The following CACNA2D2 variants were observed in gnomAD, a reference collection of about 807,000 sequenced individuals.
The protein encoded by CACNA2D2 is voltage-dependent calcium channel subunit alpha-2/delta-2.
Under a neutral mutation model 166.4 loss-of-function variants are expected in CACNA2D2, and 48 were observed. That is an observed-to-expected ratio of 0.29 (90% CI 0.23 to 0.37). CACNA2D2 has a LOEUF of 0.37. Ranked by LOEUF, CACNA2D2 falls within the 10% of genes least tolerant of loss-of-function variation. CACNA2D2 has a pLI of 1.00. For missense variants in CACNA2D2, 1,122 were observed against 1,433.0 expected (o/e 0.78, Z 3.50); for synonymous variants, 561 against 573.7 (o/e 0.98, Z 0.32).
intron 1 of CACNA2D2, among the ~76,000 whole-genome samples, chr3:50,499,906 C>A (rs1698886626): frequency 6.6e-6 from 1 of 152,172 alleles, no homozygotes; most frequent in Non-Finnish European, 1.5e-5. Context: ...AAGTCCTCCA[C>A]ACCAGGAGGG....
rs1559917257 is a variant in CACNA2D2, at chr3:50,405,978, G to GGGCTTCAGGAGGA, written c.406-11811_406-11810insTCCTCCTGAAGCC. 8.6e-5 allele frequency among the ~76,000 whole-genome samples: 13 copies of GGGCTTCAGGAGGA among 151,898 alleles called. 1 individual carries two copies. The East Asian group carries it at 2.5e-3, about 29-fold the overall frequency. ...CTGACCCTGTTCCTGGCGATCATGA[G>GGGCTTCAGGAGGA]AACTCTCCAATCTCTACCCCCTATC... On this transcript the variant is annotated intron_variant, in intron 3 of 37. Coordinates refer to ENST00000424201, the MANE Select transcript of CACNA2D2 (RefSeq NM_006030.4).
rs780459078 is a variant in CACNA2D2, at chr3:50,365,231, A to T, written c.3099-47T>A. On this transcript the variant is annotated intron_variant, in intron 35 of 37. Transcript: ENST00000424201. The surrounding 1 kb of genome is among the most constrained non-coding windows in gnomAD (Gnocchi z 4.5). ...GGGGCGTTGAGTTTGCCCCGCCCTG[A>T]CCCACCCCCATCCTGCGGCCCCGCC... The T allele has an allele frequency of 6.6e-6, 4 of 609,312 alleles. No homozygotes were observed. Among genetic ancestry groups the T allele is most frequent in the Non-Finnish European group, 1.1e-5 (4 of 380,616 alleles). 37.7% of individuals were successfully genotyped at this position (609,312 alleles called of 1,614,324 possible).
Position 50,363,166 on chromosome 3 carries a change from A to G in CACNA2D2, c.*1500T>C. 1 of 398,858 alleles carries G rather than the reference A, an allele frequency of 2.5e-6. No homozygotes were observed. The highest frequency in any genetic ancestry group is 4.4e-6 in the Non-Finnish European group (1 of 226,050). 24.7% of individuals were successfully genotyped at this position (398,858 alleles called of 1,614,324 possible). On this transcript the variant is annotated 3_prime_UTR_variant, in exon 38 of 38. Coordinates refer to ENST00000424201, the MANE Select transcript of CACNA2D2 (RefSeq NM_006030.4). ...TATTCTCCATTGAGCACCTGACTAC[A>G]CTACAGTTACACGCACGCCCCCGAA...
intron 2 of CACNA2D2, among the ~76,000 whole-genome samples, chr3:50,435,312 CGT>C (rs369597235): frequency 2.8e-4 from 43 of 151,154 alleles, no homozygotes; most frequent in African/African-American, 9.7e-4. Context: ...TGTGCGTGTG[CGT>C]GTGTGTGTGC....
At chr3:50,388,863 G>A (rs1705740488) in intron 4 of CACNA2D2, among the ~76,000 whole-genome samples, 1 of 152,186 alleles carries the variant, frequency 6.6e-6, no homozygotes, top group African/African-American at 2.4e-5. Context: ...TGCAGGCTTA[G>A]TCCCAGCATT....
At chr3:50,408,988 A>T (rs1706857745) in intron 3 of CACNA2D2, among the ~76,000 whole-genome samples, 2 of 152,214 alleles carry the variant, frequency 1.3e-5, no homozygotes, top group Non-Finnish European at 2.9e-5. Context: ...CTCCCAGGAA[A>T]GGGACCCCTG....
chr3:50,483,936 T>C (rs1260704011), intron 1 of CACNA2D2, among the ~76,000 whole-genome samples: 1 of 152,198 alleles, frequency 6.6e-6, no homozygotes, highest in Non-Finnish European at 1.5e-5. Flanking sequence ...TTGAGAGATG[T>C]GCTCCAGGTC....
In CACNA2D2 at chr3:50,381,051, G is replaced by C; in HGVS notation, c.728C>G (p.Pro243Arg). The change falls in exon 7 of 38, where the codon CCC (proline) becomes CGC (arginine). Residue 243 changes from proline to arginine, a missense_variant. Physicochemically the swap from Pro to Arg is moderately radical, Grantham distance 103. Around this residue, in one of 2 missense-constraint regions of CACNA2D2, gnomAD observed 840 missense variants for 1,166.8 expected, o/e 0.72. Transcript: ENST00000424201. The part of the protein sequence containing the change: ...NVFMENRRQD[P>R]TLLWQVFGSA... ...GCCGAAGACCTGCCACAGCAGTGTG[G>C]GGTCTTGTCTGCGGTTTTCCATGAA... The C allele has an allele frequency of 2.5e-6, 4 of 1,613,892 alleles. No individual in the cohort carries two copies. Among genetic ancestry groups the C allele is most frequent in the Admixed American group, 1.7e-5 (1 of 60,000 alleles).
chr3:50,388,243 C>T (rs77801231), intron 4 of CACNA2D2, among the ~76,000 whole-genome samples: 1,554 of 152,278 alleles, frequency 0.01, 13 homozygotes, highest in Non-Finnish European at 0.016. Context: ...AATCACCGGC[C>T]GCCCCGGGGA....
intron 3 of CACNA2D2, among the ~76,000 whole-genome samples, chr3:50,428,416 C>A (rs1707901574): frequency 6.6e-6 from 1 of 152,210 alleles, no homozygotes; most frequent in Non-Finnish European, 1.5e-5. Context: ...CCCTGGCTCA[C>A]ACCTCCTGCC....
intron 3 of CACNA2D2, among the ~76,000 whole-genome samples, chr3:50,432,278 C>A (rs1708107684): frequency 6.6e-6 from 1 of 152,228 alleles, no homozygotes; most frequent in South Asian, 2.1e-4. Flanking sequence ...GGGCCCTGGG[C>A]TCCACGCATG....
rs587726925 is a variant in CACNA2D2, at chr3:50,366,657, C to T, written c.2590-32G>A. On this transcript the variant is annotated intron_variant, in intron 29 of 37. Transcript: ENST00000424201. This position sits in a 1 kb window ranked among gnomAD's most constrained non-coding sequence, Gnocchi z 5.9. Reference sequence around the variant, plus strand: ...GGCAGAGAGTGAGGACCGTAAGCCACCCACCAGTTTTCCTCCCTCCCATCA... The same window carrying T: ...GGCAGAGAGTGAGGACCGTAAGCCATCCACCAGTTTTCCTCCCTCCCATCA... The T allele has an allele frequency of 8.7e-6, 14 of 1,613,296 alleles. No homozygotes were observed. The highest frequency in any genetic ancestry group is 1.1e-5 in the Non-Finnish European group (13 of 1,179,600).
At chr3:50,446,715 A>G (rs1248830258) in intron 2 of CACNA2D2, among the ~76,000 whole-genome samples, 2 of 152,230 alleles carry the variant, frequency 1.3e-5, no homozygotes, top group Admixed American at 6.5e-5. Context: ...CAGTCCCTTC[A>G]GGATAACAAG....
intron 23 of CACNA2D2, among the ~76,000 whole-genome samples, chr3:50,369,576 A>G (rs1228915233): frequency 3.3e-5 from 5 of 152,222 alleles, no homozygotes; most frequent in Non-Finnish European, 7.3e-5. Flanking sequence ...GCTGCCTTCC[A>G]GTGCCCCTGG....
At chr3:50,429,592 C>CAAAAAAAAAA (rs1160685582) in intron 3 of CACNA2D2, among the ~76,000 whole-genome samples, 3 of 52,646 alleles carry the variant, frequency 5.7e-5, no homozygotes, top group East Asian at 8.9e-4. Context: ...ACTAAAAATA[C>CAAAAAAAAAA]AAAAAAAAAA....
intron 1 of CACNA2D2, among the ~76,000 whole-genome samples, chr3:50,486,691 C>T (rs935328048): frequency 6.6e-6 from 1 of 152,228 alleles, no homozygotes; most frequent in Non-Finnish European, 1.5e-5. Context: ...TTCCCCTACC[C>T]TCTTCTCAAA....
intron 2 of CACNA2D2, among the ~76,000 whole-genome samples, chr3:50,449,863 A>G (rs1025550396): frequency 6.6e-6 from 1 of 152,172 alleles, no homozygotes; most frequent in African/African-American, 2.4e-5. Context: ...AGAGAGACCT[A>G]GGGCTGGGTT....
At chr3:50,498,347 G>A (rs1698810421) in intron 1 of CACNA2D2, among the ~76,000 whole-genome samples, 1 of 152,084 alleles carries the variant, frequency 6.6e-6, no homozygotes, top group African/African-American at 2.4e-5. Flanking sequence ...AGTCCCCTCA[G>A]ACCTGGCAAA....
Position 50,379,069 on chromosome 3 carries a change from C to T in CACNA2D2, c.1260+23G>A, listed in dbSNP as rs777809003. On this transcript the variant is annotated intron_variant, in intron 12 of 37. Coordinates refer to ENST00000424201, the MANE Select transcript of CACNA2D2 (RefSeq NM_006030.4). The surrounding 1 kb of genome is among the most constrained non-coding windows in gnomAD (Gnocchi z 6.5). ...CTGTACTGGGCCCAGGTCAGGGTAG[C>T]CCCTGCCTCGGTTGAGCCTCACCGT... The T allele has an allele frequency of 6.2e-7, 1 of 1,613,032 alleles. No homozygotes were observed. The highest frequency in any genetic ancestry group is 8.5e-7 in the Non-Finnish European group (1 of 1,179,156).
Sources: gnomAD v4.1 joint callset for allele counts (sites outside exome capture counted in the v4.1 genomes callset) on GRCh38, gnomAD v4.1.1 for gene constraint, gnomAD v4.1.1 regional missense constraint, Gnocchi (gnomAD v3.1) non-coding constraint, MANE v1.5 for transcripts, NCBI Gene and HGNC (gene_info 2026-07-23, HGNC 2026-07-21) for gene names.